Variants in GNPTAB observed in about 807,000 individuals in gnomAD.
GNPTAB encodes N-acetylglucosamine-1-phosphate transferase subunits alpha and beta.
A neutral mutation model predicts 136.6 loss-of-function variants in GNPTAB; 92 were observed. That is an observed-to-expected ratio of 0.67 (90% CI 0.57 to 0.80). GNPTAB has a LOEUF of 0.80. GNPTAB is among the 30% of genes least tolerant of loss of function. The pLI is 0.00. For missense variants in GNPTAB, 1,343 were observed against 1,501.8 expected (o/e 0.89, Z 1.75); for synonymous variants, 512 against 535.1 (o/e 0.96, Z 0.60).
At position 101,764,237 on chromosome 12, in the gene GNPTAB, A is replaced by C; in HGVS notation, c.2680T>G (p.Trp894Gly). ...TCTTGGAAATACTTTTTTTTCTCCC[A>C]TGGCAAAAAGCCCAAGTAACTATCT... ...YTDSYLGFLP[W>G]EKKKYFQDLL... The change falls in exon 13 of 21, where the codon TGG becomes GGG. Residue 894 changes from tryptophan (W) to glycine (G), a missense_variant. Trp to Gly is a radical substitution (Grantham distance 184). Coordinates refer to ENST00000299314, the MANE Select transcript of GNPTAB (RefSeq NM_024312.5). 1.2e-6 allele frequency: 2 copies of C among 1,613,950 alleles called. No homozygotes were observed. The highest frequency in any genetic ancestry group is 2.2e-5 in the South Asian group (2 of 91,080).
intron 13 of GNPTAB, among the ~76,000 whole-genome samples, chr12:101,762,835 CTTTA>C (rs983660911): frequency 1.1e-4 from 17 of 149,026 alleles, no homozygotes; most frequent in Non-Finnish European, 2.4e-4. Context: ...AAGAACTTTC[CTTTA>C]TTTACTGTAT....
Position 101,787,382 on chromosome 12 carries a change from C to T in GNPTAB, c.366-1165G>A, listed in dbSNP as rs192835396. ...CATAAAGTTTAAAAAGGATACAAAA[C>T]TGCCCACAGATTATAAACTACAACT... On this transcript the variant is annotated intron_variant, in intron 4 of 20. Coordinates refer to ENST00000299314, the MANE Select transcript of GNPTAB (RefSeq NM_024312.5). Among the ~76,000 whole-genome samples the T allele has an allele frequency of 5.5e-3, 831 of 151,522 alleles. 8 individuals carry two copies. Among genetic ancestry groups the T allele is most frequent in the Non-Finnish European group, 3.4e-3 (229 of 67,702 alleles).
intron 16 of GNPTAB, 108 bp from the exon 17 acceptor site, chr12:101,757,765 G>T: frequency 1.4e-6 from 1 of 725,900 alleles, no homozygotes. Context: ...CTCTCTGGAG[G>T]TAAGAAAAAC....
intron 4 of GNPTAB, 61 bp from the exon 5 acceptor site, chr12:101,786,278 G>T: frequency 7.5e-7 from 1 of 1,335,416 alleles, no homozygotes; most frequent in Non-Finnish European, 1.1e-6. Flanking sequence ...GCAATGAGAA[G>T]CTTGTCATAC....
rs1871322842 is a variant in GNPTAB, at chr12:101,830,643, A to G, written c.33T>C (p.Tyr11=). MLFKLLQRQT[Y]TCLSHRYGLY... is the part of the protein sequence containing the mutation. Reference sequence around the variant, plus strand: ...GCCCATACCTGTGGGACAGGCAGGTATAGGTCTGTCTCTGCAGGAGCTTGA... The same window carrying G: ...GCCCATACCTGTGGGACAGGCAGGTGTAGGTCTGTCTCTGCAGGAGCTTGA... Residue 11 remains tyrosine (Y), a synonymous_variant, in exon 1 of 21, where the codon TAT becomes TAC. Transcript: ENST00000299314. 6.2e-7 allele frequency: 1 copy of G among 1,611,628 alleles called. No homozygotes were observed.
chr12:101,824,432 A>T (rs868012521), intron 1 of GNPTAB, among the ~76,000 whole-genome samples: 2,438 of 50,572 alleles, frequency 0.048, 55 homozygotes, highest in Non-Finnish European at 0.059. Flanking sequence ...ATATATATAT[A>T]TTTTCTTTTT....
intron 1 of GNPTAB, among the ~76,000 whole-genome samples, chr12:101,804,792 A>C (rs1281454181): frequency 6.6e-6 from 1 of 152,228 alleles, no homozygotes; most frequent in African/African-American, 2.4e-5. Flanking sequence ...AAAATACACA[A>C]GGTGGCAAGT....
intron 1 of GNPTAB, among the ~76,000 whole-genome samples, chr12:101,828,892 C>A (rs981682146): frequency 2.0e-5 from 3 of 152,154 alleles, no homozygotes; most frequent in African/African-American, 7.2e-5. Context: ...TAAGAGAGTG[C>A]CTGATACCTG....
rs1952745159 is a variant in GNPTAB, at chr12:101,747,128, A to C, written c.*36T>G. ...GAAGCTGAGTTTTAAAATGCTCAGT[A>C]AATGCTGAGGTAGATGGTTTTCAAA... is the stretch of plus-strand genomic sequence containing the variant. On this transcript the variant is annotated 3_prime_UTR_variant, in exon 21 of 21. Coordinates refer to ENST00000299314, the MANE Select transcript of GNPTAB (RefSeq NM_024312.5). The C allele has an allele frequency of 1.7e-6, 2 of 1,174,586 alleles. No homozygotes were observed. The highest frequency in any genetic ancestry group is 1.7e-5 in the Admixed American group (1 of 59,410). The allele number at this position is 1,174,586 out of a possible 1,614,324, so 72.8% of individuals were successfully genotyped here.
intron 1 of GNPTAB, among the ~76,000 whole-genome samples, chr12:101,800,825 T>G (rs1869577762): frequency 6.6e-6 from 1 of 151,752 alleles, no homozygotes; most frequent in Non-Finnish European, 1.5e-5. Context: ...AGCCCTATAA[T>G]TAAAAATCTG....
At chr12:101,807,454 G>A (rs548979811) in intron 1 of GNPTAB, among the ~76,000 whole-genome samples, 1 of 151,952 alleles carries the variant, frequency 6.6e-6, no homozygotes, top group East Asian at 1.9e-4. Context: ...GACAAAAAAA[G>A]GAAATAAAAG....
Position 101,761,160 on chromosome 12 carries a change from A to G in GNPTAB, c.3102T>C (p.Ala1034=), listed in dbSNP as rs750412010. The G allele has an allele frequency of 3.1e-6, 5 of 1,613,952 alleles. No individual in the cohort carries two copies. The Admixed American group carries it at 6.7e-5, about 22-fold the overall frequency. The part of the protein sequence containing the change: ...VLSDREIRTL[A]TRIHELPLSL... ...TTAACGGCAGTTCGTGAATTCTGGT[A>G]GCCAGTGTTCGGATTTCTCTGTCAG... The change falls in exon 15 of 21, where the codon GCT becomes GCC. Residue 1034 remains alanine, a synonymous_variant. Transcript: ENST00000299314.
chr12:101,801,058 A>C (rs1015863337), intron 1 of GNPTAB, among the ~76,000 whole-genome samples: 10 of 151,206 alleles, frequency 6.6e-5, no homozygotes, highest in African/African-American at 2.2e-4. Flanking sequence ...ACATAGTGAG[A>C]CCTCATCTCT....
chr12:101,828,914 A>C (rs937473175), intron 1 of GNPTAB, among the ~76,000 whole-genome samples: 3 of 152,256 alleles, frequency 2.0e-5, no homozygotes, highest in African/African-American at 7.2e-5. Flanking sequence ...TAAGACCAAT[A>C]TAAGTATTAG....
At chr12:101,824,439 T>TC (rs1870984307) in intron 1 of GNPTAB, among the ~76,000 whole-genome samples, 1 of 71,084 alleles carries the variant, frequency 1.4e-5, no homozygotes, top group African/African-American at 4.8e-5. Context: ...TATATTTTCT[T>TC]TTTTTTTTTT....
In GNPTAB at chr12:101,749,180, C is replaced by T. The variant is rs143943289; in HGVS notation, c.3614G>A (p.Arg1205Gln). The change falls in exon 20 of 21, where the codon CGA (arginine) becomes CAA (glutamine). Residue 1205 changes from arginine (R) to glutamine (Q), a missense_variant. Arg to Gln is a conservative substitution (Grantham distance 43). Coordinates refer to ENST00000299314, the MANE Select transcript of GNPTAB (RefSeq NM_024312.5). ...MHELQEWRAY[R>Q]DKLKFWTHCV... ...ATGGGTCCAAAACTTCAATTTGTCT[C>T]GATAAGCCCTCCTGTGCAGAGAGAA... The T allele has an allele frequency of 2.7e-5, 43 of 1,605,110 alleles. No individual in the cohort carries two copies. Among genetic ancestry groups the T allele is most frequent in the South Asian group, 1.1e-4 (10 of 90,918 alleles).
chr12:101,776,350 T>G (rs1176154493), intron 7 of GNPTAB, among the ~76,000 whole-genome samples: 1 of 152,248 alleles, frequency 6.6e-6, no homozygotes, highest in Non-Finnish European at 1.5e-5. Flanking sequence ...AGCTGAATTC[T>G]GTGTCCGTCA....
chr12:101,777,645 C>T (rs765380092), intron 7 of GNPTAB, among the ~76,000 whole-genome samples: 2 of 152,202 alleles, frequency 1.3e-5, no homozygotes, highest in Non-Finnish European at 2.9e-5. Flanking sequence ...GTTCTCATGG[C>T]ACTCTGTATA....
At chr12:101,827,410 AT>A (rs376494804) in intron 1 of GNPTAB, among the ~76,000 whole-genome samples, 2 of 150,210 alleles carry the variant, frequency 1.3e-5, no homozygotes, top group Admixed American at 6.7e-5. Context: ...CTTTATTTTT[AT>A]TTTTTTTTGT....
Sources: allele counts gnomAD v4.1 joint callset (sites outside exome capture counted in the v4.1 genomes callset), GRCh38; gene constraint gnomAD v4.1.1; transcripts MANE v1.5; gene names NCBI Gene and HGNC (gene_info 2026-07-23, HGNC 2026-07-21).